Variants in ESRRG observed in about 807,000 individuals in gnomAD.
The protein encoded by ESRRG is estrogen-related receptor gamma.
ESRRG carries 13 observed loss-of-function variants against 44.0 expected under a neutral mutation model. The ratio of observed to expected loss-of-function variants is 0.30; its 90% CI spans 0.19 to 0.47. The LOEUF (loss-of-function observed/expected upper bound fraction) is 0.47. Among genes scored for constraint, ESRRG ranks in the 20% least tolerant of loss-of-function variants. ESRRG has a pLI of 1.00. For synonymous variants in ESRRG, 215 were observed against 214.6 expected (o/e 1.00, Z -0.02); for missense variants, 395 against 580.6 (o/e 0.68, Z 3.29).
chr1:216,985,118 A>G (rs1183562156), intron 1 of ESRRG, among the ~76,000 whole-genome samples: 2 of 152,196 alleles, frequency 1.3e-5, no homozygotes, highest in Non-Finnish European at 2.9e-5. Context: ...TACAAAACCT[A>G]ACCCATAAAA....
intron 3 of ESRRG, among the ~76,000 whole-genome samples, chr1:216,622,609 T>TATACACACACACAC (rs147309378): frequency 4.1e-4 from 62 of 150,934 alleles, no homozygotes; most frequent in African/African-American, 6.8e-4. Flanking sequence ...AAATGAAAAT[T>TATACACACACACAC]ACACACACGC....
intron 2 of ESRRG, among the ~76,000 whole-genome samples, chr1:216,775,551 CTTTTTTTTT>C (rs71163765): frequency 3.2e-4 from 24 of 74,816 alleles, no homozygotes; most frequent in African/African-American, 1.0e-3. Flanking sequence ...AATGTCACAT[CTTTTTTTTT>C]TTTTTTTTTT....
At chr1:216,614,040 C>G (rs1168538689) in intron 3 of ESRRG, among the ~76,000 whole-genome samples, 1 of 152,228 alleles carries the variant, frequency 6.6e-6, no homozygotes, top group South Asian at 2.1e-4. Context: ...TCCCTGACTT[C>G]CACACCCTGC....
chr1:216,886,869 G>T (rs547310378), intron 2 of ESRRG, among the ~76,000 whole-genome samples: 90 of 152,130 alleles, frequency 5.9e-4, no homozygotes, highest in African/African-American at 2.0e-3. Flanking sequence ...GACTACGGGC[G>T]TGTAACACCA....
chr1:217,121,285 T>A (rs1183630864), intron 1 of ESRRG, among the ~76,000 whole-genome samples: 1 of 152,198 alleles, frequency 6.6e-6, no homozygotes, highest in East Asian at 1.9e-4. Context: ...GAAATGAGGC[T>A]GGAGAGATTC....
chr1:216,989,217 C>T (rs1433532011), intron 1 of ESRRG, among the ~76,000 whole-genome samples: 1 of 151,702 alleles, frequency 6.6e-6, no homozygotes, highest in Non-Finnish European at 1.5e-5. Context: ...GAGGCTGAGG[C>T]GGGTGGATTG....
intron 3 of ESRRG, among the ~76,000 whole-genome samples, chr1:216,574,192 A>G (rs1191367711): frequency 6.6e-6 from 1 of 152,148 alleles, no homozygotes; most frequent in Non-Finnish European, 1.5e-5. Flanking sequence ...TCTTCTAAAT[A>G]AAAGATTTTA....
At chr1:217,066,898 C>T (rs2089808308) in intron 1 of ESRRG, among the ~76,000 whole-genome samples, 1 of 152,188 alleles carries the variant, frequency 6.6e-6, no homozygotes, top group South Asian at 2.1e-4. Flanking sequence ...GAATGAACTA[C>T]AGACGTAAGT....
chr1:216,535,294 G>GCT (rs1342095488), intron 5 of ESRRG, among the ~76,000 whole-genome samples: 3 of 152,048 alleles, frequency 2.0e-5, no homozygotes, highest in Admixed American at 2.0e-4. Context: ...ACTGGATGAT[G>GCT]CTCTCTCTGG....
chr1:216,972,043 C>T (rs994336401), intron 1 of ESRRG, among the ~76,000 whole-genome samples: 1 of 152,104 alleles, frequency 6.6e-6, no homozygotes, highest in African/African-American at 2.4e-5. Context: ...CTCTGATGAA[C>T]AAAATTGGTA....
At chr1:217,090,280 G>T (rs771987037), upstream of ESRRG, among the ~76,000 whole-genome samples, 3 of 151,972 alleles carry the variant, frequency 2.0e-5, no homozygotes, top group African/African-American at 7.3e-5. Flanking sequence ...ACCAATCCCC[G>T]CCTGGGCAAA....
Position 216,802,251 on chromosome 1 carries a change from AG to A in ESRRG, c.-13-124761del, listed in dbSNP as rs544713408. Reference sequence around the variant, plus strand: ...GCCAAGCAAGTTTTACCCAGGGAAGAGGGAATAGCAATGCACATCTTCCCAA... The same window carrying A: ...GCCAAGCAAGTTTTACCCAGGGAAGAGGAATAGCAATGCACATCTTCCCAA... On this transcript the variant is annotated intron_variant, in intron 2 of 7. Coordinates refer to the ESRRG transcript ENST00000359162. Among the ~76,000 whole-genome samples the A allele has an allele frequency of 3.3e-3, 503 of 152,182 alleles. 4 individuals are homozygous for A. Among genetic ancestry groups the A allele is most frequent in the South Asian group, 0.016 (76 of 4,816 alleles).
At chr1:216,698,388 G>C (rs2080661087) in intron 1 of ESRRG, among the ~76,000 whole-genome samples, 2 of 151,734 alleles carry the variant, frequency 1.3e-5, no homozygotes, top group Non-Finnish European at 2.9e-5. Flanking sequence ...GCGTGGTGGG[G>C]GGCGCCTGTA....
Position 216,736,007 on chromosome 1 carries a change from T to TACAC in ESRRG, c.-13-58520_-13-58517dup, listed in dbSNP as rs1303407800. 6.1e-5 allele frequency among the ~76,000 whole-genome samples: 9 copies of TACAC among 147,568 alleles called. No homozygotes were observed. In the East Asian group the frequency reaches 1.6e-3, roughly 26 times the overall value. ...AAAAAAATATATATATATATATATATACACACATACATATATTTGCTTTCC... is the reference window on the plus strand; with the variant it reads ...AAAAAAATATATATATATATATATATACACACACACATACATATATTTGCTTTCC... On this transcript the variant is annotated intron_variant, in intron 2 of 7. Transcript: ENST00000359162.
intron 2 of ESRRG, among the ~76,000 whole-genome samples, chr1:216,810,314 T>C (rs1011376487): frequency 6.6e-6 from 1 of 152,136 alleles, no homozygotes; most frequent in Non-Finnish European, 1.5e-5. Flanking sequence ...TGCTTATCTA[T>C]GTTCAGAGCA....
At chr1:217,048,266 G>T (rs917328475) in intron 1 of ESRRG, among the ~76,000 whole-genome samples, 3 of 152,132 alleles carry the variant, frequency 2.0e-5, no homozygotes, top group Admixed American at 1.3e-4. Context: ...GCCACAGAGG[G>T]CTTGGGCTGG....
chr1:216,733,900 A>T (rs564036307), intron 2 of ESRRG, among the ~76,000 whole-genome samples: 290 of 151,188 alleles, frequency 1.9e-3, no homozygotes, highest in African/African-American at 6.9e-3. Flanking sequence ...GAGGCAGGAG[A>T]ATTGCCTGAA....
At chr1:216,933,908 AC>A (rs796648828) in intron 2 of ESRRG, among the ~76,000 whole-genome samples, 41 of 151,584 alleles carry the variant, frequency 2.7e-4, no homozygotes, top group African/African-American at 9.2e-4. Context: ...CCCTCCACTG[AC>A]CCCTGGCCTA....
At chr1:216,677,036 G>A (rs2151489312) in intron 2 of ESRRG, 40 bp downstream of exon 2, 1 of 1,502,806 alleles carries the variant, frequency 6.7e-7, no homozygotes, top group Middle Eastern at 1.8e-4. Context: ...CATCATGTGA[G>A]GTTGGAAGTG....
Sources: allele counts gnomAD v4.1 joint callset (sites outside exome capture counted in the v4.1 genomes callset), GRCh38; gene constraint gnomAD v4.1.1; transcripts MANE v1.5; gene names NCBI Gene and HGNC (gene_info 2026-07-23, HGNC 2026-07-21).